Variants in ZBTB20 observed in about 807,000 individuals in gnomAD.
ZBTB20 encodes the protein zinc finger and BTB domain-containing protein 20.
In ZBTB20, 9 loss-of-function variants were observed where a neutral mutation model predicts 56.9. The ratio of observed to expected loss-of-function variants is 0.16; its 90% confidence interval spans 0.10 to 0.28. The LOEUF (loss-of-function observed/expected upper bound fraction) is 0.28. Among genes scored for constraint, ZBTB20 ranks in the 10% least tolerant of loss-of-function variants. The pLI, the probability that ZBTB20 is intolerant of heterozygous loss-of-function variation, is 1.00. For synonymous variants in ZBTB20, 417 were observed against 420.7 expected (o/e 0.99, Z 0.11); for missense variants, 655 against 1,003.0 (o/e 0.65, Z 4.69).
intron 2 of ZBTB20, among the ~76,000 whole-genome samples, chr3:114,975,991 T>C (rs1317602190): frequency 6.6e-6 from 1 of 152,182 alleles, no homozygotes; most frequent in Non-Finnish European, 1.5e-5. Flanking sequence ...AAACAGGCAC[T>C]AAATCTGTAT....
intron 7 of ZBTB20, among the ~76,000 whole-genome samples, chr3:114,393,865 G>A (rs1268041225): frequency 2.6e-5 from 4 of 152,120 alleles, no homozygotes; most frequent in Non-Finnish European, 5.9e-5. Context: ...CAGACAGTAG[G>A]TCACTTCTCT....
Position 114,350,852 on chromosome 3 carries a change from G to A in ZBTB20, c.1226C>T (p.Pro409Leu). The A allele has an allele frequency of 6.2e-7, 1 of 1,611,268 alleles. No homozygotes were observed. ...AGCGGGGGCTTCTGCAGCCTGCTCG[G>A]GTTGGGTGGGTTCAGCCTGGCTGTC... Reference protein sequence around the residue: ...ARDSQAEPTQPEQAAEAPAEG... With the variant: ...ARDSQAEPTQLEQAAEAPAEG... Residue 409 changes from proline to leucine, a missense_variant, in exon 11 of 12, where the codon CCC (proline) becomes CTC (leucine). Physicochemically the swap from Pro to Leu is moderately conservative, Grantham distance 98. This residue lies in a region of ZBTB20 where 156 missense variants were observed against 181.0 expected (regional missense o/e 0.86). Coordinates refer to ENST00000675478, the MANE Select transcript of ZBTB20 (RefSeq NM_001348800.3).
At chr3:115,068,342 A>G (rs1312874301) in intron 2 of ZBTB20, among the ~76,000 whole-genome samples, 2 of 152,116 alleles carry the variant, frequency 1.3e-5, no homozygotes, top group Non-Finnish European at 2.9e-5. Context: ...GTGAAATTTA[A>G]ATCAACCAAC....
At chr3:114,361,159 T>C (rs1193849807) in intron 10 of ZBTB20, among the ~76,000 whole-genome samples, 1 of 152,208 alleles carries the variant, frequency 6.6e-6, no homozygotes, top group Non-Finnish European at 1.5e-5. Context: ...ACTTCACTGA[T>C]TTGGTTGGAT....
chr3:114,707,946 T>C (rs1367538312), intron 5 of ZBTB20, among the ~76,000 whole-genome samples: 2 of 152,184 alleles, frequency 1.3e-5, no homozygotes, highest in African/African-American at 2.4e-5. Context: ...TTATCAATCA[T>C]GGTACTTGGA....
At chr3:114,814,254 A>C (rs554615926) in intron 4 of ZBTB20, among the ~76,000 whole-genome samples, 105 of 148,770 alleles carry the variant, frequency 7.1e-4, no homozygotes, top group Non-Finnish European at 1.3e-3. Context: ...TATATATTTC[A>C]CTTACTGTCA....
chr3:115,039,215 C>T (rs2108381835), intron 2 of ZBTB20, among the ~76,000 whole-genome samples: 1 of 151,800 alleles, frequency 6.6e-6, no homozygotes, highest in South Asian at 2.1e-4. Flanking sequence ...CCCAGAAGCA[C>T]AATAATATCC....
At chr3:114,452,591 G>T (rs987878787) in intron 7 of ZBTB20, among the ~76,000 whole-genome samples, 1 of 152,058 alleles carries the variant, frequency 6.6e-6, no homozygotes, top group Non-Finnish European at 1.5e-5. Flanking sequence ...CAGCCAGGAG[G>T]GTTTTTTGAT....
chr3:114,373,063 C>T (rs1038889325), intron 10 of ZBTB20, among the ~76,000 whole-genome samples: 17 of 152,062 alleles, frequency 1.1e-4, no homozygotes, highest in East Asian at 5.9e-4. Flanking sequence ...ACTAGAGGCA[C>T]GTGCCACCAT....
At chr3:114,926,742 G>GA (rs1309529866) in intron 3 of ZBTB20, among the ~76,000 whole-genome samples, 3 of 152,142 alleles carry the variant, frequency 2.0e-5, no homozygotes, top group African/African-American at 2.4e-5. Context: ...TTTGGAAGCA[G>GA]AAAAAATGTT....
chr3:114,646,311 C>A (rs1345756211), intron 6 of ZBTB20, among the ~76,000 whole-genome samples: 1 of 151,826 alleles, frequency 6.6e-6, no homozygotes, highest in African/African-American at 2.4e-5. Flanking sequence ...AAAGTAGAAG[C>A]CCTAGTTTAC....
chr3:114,655,922 G>A (rs2060385441), intron 6 of ZBTB20, among the ~76,000 whole-genome samples: 1 of 152,036 alleles, frequency 6.6e-6, no homozygotes, highest in Non-Finnish European at 1.5e-5. Flanking sequence ...AAAATTTTTA[G>A]TGAAAATTTT....
intron 6 of ZBTB20, among the ~76,000 whole-genome samples, chr3:114,672,426 T>G (rs931523900): frequency 5.9e-5 from 9 of 152,150 alleles, no homozygotes; most frequent in African/African-American, 2.2e-4. Flanking sequence ...ATCAGGTACT[T>G]GCTGGATTAG....
chr3:114,825,852 G>C (rs955640767), intron 4 of ZBTB20, among the ~76,000 whole-genome samples: 3 of 151,646 alleles, frequency 2.0e-5, no homozygotes, highest in African/African-American at 7.3e-5. Flanking sequence ...AATTAAACTT[G>C]GCCAGTTTTC....
chr3:115,118,918 T>C (rs1315056141), intron 1 of ZBTB20, among the ~76,000 whole-genome samples: 1 of 152,128 alleles, frequency 6.6e-6, no homozygotes, highest in Non-Finnish European at 1.5e-5. Context: ...ATAGCTATTA[T>C]GATTATTTTA....
chr3:115,027,376 G>A (rs1466979506), intron 2 of ZBTB20: 3 of 150,966 alleles, frequency 2.0e-5, no homozygotes, highest in East Asian at 1.9e-4. Flanking sequence ...TACTGAATCA[G>A]GCACTCTGAT....
intron 5 of ZBTB20, among the ~76,000 whole-genome samples, chr3:114,754,051 A>T (rs2067811901): frequency 6.6e-6 from 1 of 152,088 alleles, no homozygotes; most frequent in Non-Finnish European, 1.5e-5. Context: ...TTTATGTGCA[A>T]TACATCCTTT....
At position 115,053,806 on chromosome 3, in the gene ZBTB20, A is replaced by G. The variant is rs372549343; in HGVS notation, c.-507+17413T>C. On this transcript the variant is annotated intron_variant, in intron 2 of 11. Transcript: ENST00000675478. ...GAATGAAACTTCTAGGAGATGTAAG[A>G]TGATAATATCCAGAAAAATAAAGAG... 1.7e-4 allele frequency among the ~76,000 whole-genome samples: 26 copies of G among 152,250 alleles called. No homozygotes were observed. The East Asian group carries it at 5.0e-3, about 29-fold the overall frequency.
chr3:115,073,765 A>G (rs1272070831), intron 1 of ZBTB20, among the ~76,000 whole-genome samples: 1 of 151,836 alleles, frequency 6.6e-6, no homozygotes, highest in East Asian at 1.9e-4. Context: ...CGTATACAAT[A>G]AAATTTAACT....
Sources: gnomAD v4.1 joint callset for allele counts (sites outside exome capture counted in the v4.1 genomes callset) on GRCh38, gnomAD v4.1.1 for gene constraint, gnomAD v4.1.1 regional missense constraint, MANE v1.5 for transcripts, NCBI Gene and HGNC (gene_info 2026-07-23, HGNC 2026-07-21) for gene names.